The following ERCC4 variants were observed in gnomAD, a reference collection of about 807,000 sequenced individuals.
The protein encoded by ERCC4 is DNA repair endonuclease XPF.
In ERCC4, 65 loss-of-function variants were observed where a neutral mutation model predicts 76.9. The observed-to-expected ratio is 0.84, with a 90% confidence interval of 0.69 to 1.04. The LOEUF (loss-of-function observed/expected upper bound fraction) is 1.04. Ranked by LOEUF, ERCC4 falls within the 50% of genes least tolerant of loss-of-function variation. The pLI is 0.00. For synonymous variants in ERCC4, 463 were observed against 410.1 expected (o/e 1.13, Z -1.56); for missense variants, 1,214 against 1,128.2 (o/e 1.08, Z -1.09).
Position 13,949,796 on chromosome 16 carries a change from T to A in ERCC4, c.*1449T>A, listed in dbSNP as rs1018456184. The A allele has an allele frequency of 4.3e-6, 1 of 232,114 alleles. No individual in the cohort carries two copies. Among genetic ancestry groups the A allele is most frequent in the Non-Finnish European group, 8.5e-6 (1 of 117,376 alleles). 14.4% of individuals were successfully genotyped at this position (232,114 alleles called of 1,614,324 possible). ...TTTTGTTCACATGTTGAGTAATGGG[T>A]AGTAAATTTTCTACCTCAGGAGCTG... On this transcript the variant is annotated 3_prime_UTR_variant, in exon 11 of 11. Transcript: ENST00000311895.
intron 6 of ERCC4, chr16:13,933,866 A>G: frequency 4.4e-6 from 1 of 226,978 alleles, no homozygotes; most frequent in South Asian, 8.3e-5. Context: ...AAATACTGTC[A>G]TTGTGTACCG....
At chr16:13,940,628 C>G (rs990443526) in intron 9 of ERCC4, among the ~76,000 whole-genome samples, 8 of 152,204 alleles carry the variant, frequency 5.3e-5, no homozygotes, top group African/African-American at 1.9e-4. Flanking sequence ...CAGAGTACCT[C>G]CATGGCTGGC....
intron 1 of ERCC4, 100 bp from the exon 2 acceptor site, chr16:13,921,931 A>G: frequency 1.3e-6 from 1 of 759,902 alleles, no homozygotes; most frequent in Non-Finnish European, 2.3e-6. Context: ...TATTAAGTTC[A>G]TTATCTCAGA....
At chr16:13,947,064 A>C (rs753884929) in intron 10 of ERCC4, among the ~76,000 whole-genome samples, 3 of 152,072 alleles carry the variant, frequency 2.0e-5, no homozygotes, top group Non-Finnish European at 2.9e-5. Flanking sequence ...GCCCGGCCCG[A>C]ATCTGCTTTT....
chr16:13,935,595 C>T lies in ERCC4; in HGVS notation c.1663C>T (p.His555Tyr). 2 of 1,614,178 alleles carry T rather than the reference C, an allele frequency of 1.2e-6. No individual in the cohort carries two copies. Among genetic ancestry groups the T allele is most frequent in the East Asian group, 2.2e-5 (1 of 44,888 alleles). The change falls in exon 8 of 11, where the codon CAT becomes TAT. Residue 555 changes from histidine to tyrosine, a missense_variant. His to Tyr is a moderately conservative substitution (Grantham distance 83). Transcript: ENST00000311895. ...CCTGAAAGAACCCCTCACTATCATC[C>T]ATCCGCTTCTGGGTTGCAGCGACCC... ...GILKEPLTII[H>Y]PLLGCSDPYA...
rs1325554434 is a variant in ERCC4 at position 13,948,363 on chromosome 16, T to G, written c.*16T>G. The G allele has an allele frequency of 2.5e-6, 4 of 1,605,612 alleles. No homozygotes were observed. Among genetic ancestry groups the G allele is most frequent in the Non-Finnish European group, 3.4e-6 (4 of 1,179,890 alleles). On this transcript the variant is annotated 3_prime_UTR_variant, in exon 11 of 11. Transcript: ENST00000311895. The stretch of plus-strand genomic sequence containing the variant: ...GAAAAAGTGAACAGTGATGGCTGTT[T>G]TCTTATCCCATGCCTGTACTTTTCA...
chr16:13,950,734 C>T lies in ERCC4; in HGVS notation c.*2387C>T, dbSNP rs1447908880. The T allele has an allele frequency of 5.2e-6, 1 of 193,460 alleles. No homozygotes were observed. Among genetic ancestry groups the T allele is most frequent in the East Asian group, 8.2e-5 (1 of 12,210 alleles). The allele number at this position is 193,460 out of a possible 1,614,324, so 12.0% of individuals were successfully genotyped here. The stretch of plus-strand genomic sequence containing the variant: ...CTATTTTTTTCCTCTTGTATAATTC[C>T]ACTTGCTTTTAATTGTTGTTTCATT... On this transcript the variant is annotated 3_prime_UTR_variant, in exon 11 of 11. Transcript: ENST00000311895.
At chr16:13,937,412 G>T (rs1300279214) in intron 8 of ERCC4, among the ~76,000 whole-genome samples, 2 of 152,156 alleles carry the variant, frequency 1.3e-5, no homozygotes, top group Admixed American at 6.5e-5. Context: ...TTGTTTGGCT[G>T]AGGTACAAAG....
At position 13,935,642 on chromosome 16, in the gene ERCC4, A is replaced by G; in HGVS notation, c.1710A>G (p.Leu570=). The G allele has an allele frequency of 6.2e-7, 1 of 1,614,112 alleles. No homozygotes were observed. The highest frequency in any genetic ancestry group is 1.7e-5 in the Admixed American group (1 of 60,012). Residue 570 remains leucine, a synonymous_variant, in exon 8 of 11, where the codon CTA becomes CTG. Coordinates refer to ENST00000311895, the MANE Select transcript of ERCC4 (RefSeq NM_005236.3). ...ACCCCTATGCTCTGACAAGGGTACT[A>G]CATGAAGTGGAGCCAAGATACGTGG... ...CSDPYALTRV[L]HEVEPRYVVL...
Position 13,949,905 on chromosome 16 carries a change from G to C in ERCC4, c.*1558G>C, listed in dbSNP as rs2032598999. Reference sequence around the variant, plus strand: ...TGTTTTTTTGTTTGCTACACTATTTGAACTAATAGACAGTGGATCATGTAA... The same window carrying C: ...TGTTTTTTTGTTTGCTACACTATTTCAACTAATAGACAGTGGATCATGTAA... On this transcript the variant is annotated 3_prime_UTR_variant, in exon 11 of 11. Coordinates refer to ENST00000311895, the MANE Select transcript of ERCC4 (RefSeq NM_005236.3). 1 of 231,188 alleles carries C rather than the reference G, an allele frequency of 4.3e-6. No individual in the cohort carries two copies. The highest frequency in any genetic ancestry group is 5.6e-5 in the Admixed American group (1 of 17,720). The allele number at this position is 231,188 out of a possible 1,614,324, so 14.3% of individuals were successfully genotyped here.
intron 9 of ERCC4, among the ~76,000 whole-genome samples, chr16:13,941,281 C>A (rs1197013750): frequency 6.6e-6 from 1 of 152,136 alleles, no homozygotes; most frequent in East Asian, 1.9e-4. Context: ...TGATGATTGT[C>A]TACTTGTCAT....
At chr16:13,939,815 T>C (rs1010172229) in intron 9 of ERCC4, among the ~76,000 whole-genome samples, 11 of 151,946 alleles carry the variant, frequency 7.2e-5, no homozygotes, top group Admixed American at 1.3e-4. Context: ...TGAGAGAGAT[T>C]TGGGAGATAG....
Position 13,951,009 on chromosome 16 carries a change from A to G in ERCC4, c.*2662A>G, listed in dbSNP as rs1049326830. ...TGTCTCGTATGTATTTGAATTATGAACAGTAATTTCTAATGAATTCTAAAA... is the reference window on the plus strand; with the variant it reads ...TGTCTCGTATGTATTTGAATTATGAGCAGTAATTTCTAATGAATTCTAAAA... On this transcript the variant is annotated 3_prime_UTR_variant, in exon 11 of 11. Transcript: ENST00000311895. 1 of 190,264 alleles carries G rather than the reference A, an allele frequency of 5.3e-6. No homozygotes were observed. Among genetic ancestry groups the G allele is most frequent in the South Asian group, 1.9e-4 (1 of 5,142 alleles). The allele number at this position is 190,264 out of a possible 1,614,324, so 11.8% of individuals were successfully genotyped here. A position where few individuals can be genotyped will look rare whatever the true frequency, so the allele number is the denominator to read the frequency against.
chr16:13,934,090 CAT>C, intron 6 of ERCC4, 100 bp from the exon 7 acceptor site: 1 of 707,380 alleles, frequency 1.4e-6, no homozygotes, highest in East Asian at 2.6e-5. Flanking sequence ...AATAAATGGG[CAT>C]ATGTACTGAT....
rs944868704 is a variant in ERCC4 at position 13,940,370 on chromosome 16, C to T, written c.1904+2512C>T. The stretch of plus-strand genomic sequence containing the variant: ...GCCACTGCACTCCAGCCTGGGCAAC[C>T]GAGTGACCCCCGTCTCAAAAAAAAA... On this transcript the variant is annotated intron_variant, in intron 9 of 10. Transcript: ENST00000311895. Among the ~76,000 whole-genome samples, 7 of 150,494 alleles carry T rather than the reference C, an allele frequency of 4.7e-5. No homozygotes were observed. The South Asian group carries it at 1.3e-3, about 27-fold the overall frequency.
rs1244349973 is a variant in ERCC4, at chr16:13,947,630, T to G, written c.2034T>G (p.Asn678Lys). ...DTRKAGGQEQ[N>K]GTQQSIVVDM... Reference sequence around the variant, plus strand: ...TCTCTGTAGGTGGCCAGGAACAGAATGGTACACAGCAAAGCATAGTTGTGG... The same window carrying G: ...TCTCTGTAGGTGGCCAGGAACAGAAGGGTACACAGCAAAGCATAGTTGTGG... The change falls in exon 11 of 11, where the codon AAT becomes AAG. Residue 678 changes from asparagine to lysine, a missense_variant. Asn to Lys is a moderately conservative substitution (Grantham distance 94). Transcript: ENST00000311895. The G allele has an allele frequency of 1.9e-6, 3 of 1,614,116 alleles. No homozygotes were observed. The highest frequency in any genetic ancestry group is 2.2e-5 in the South Asian group (2 of 91,086).
rs749814308 is a variant in ERCC4 at position 13,937,785 on chromosome 16, G to A, written c.1831G>A (p.Gly611Arg). The change falls in exon 9 of 11, where the codon GGA becomes AGA. Residue 611 changes from glycine (G) to arginine (R), a missense_variant. Physicochemically the swap from Gly to Arg is moderately radical, Grantham distance 125 (BLOSUM62 -2). Transcript: ENST00000311895. ...ATGCAGGGTTTACTTTCTTATATAC[G>A]GAGGTTCAACTGAGGAACAACGCTA... ...KPLRVYFLIY[G>R]GSTEEQRYLT... is the part of the protein sequence containing the mutation. 6 of 1,612,024 alleles carry A rather than the reference G, an allele frequency of 3.7e-6. No homozygotes were observed. The highest frequency in any genetic ancestry group is 1.6e-4 in the Middle Eastern group (1 of 6,082).
At chr16:13,928,943 C>A (rs192129607) in intron 4 of ERCC4, among the ~76,000 whole-genome samples, 2 of 152,016 alleles carry the variant, frequency 1.3e-5, no homozygotes, top group African/African-American at 2.4e-5. Flanking sequence ...GGCAATAATG[C>A]GTGGCGATTA....
chr16:13,920,418 A>T (rs757664200), intron 1 of ERCC4, 46 bp downstream of exon 1: 3 of 1,504,950 alleles, frequency 2.0e-6, no homozygotes, highest in South Asian at 2.4e-5. Context: ...GAGAGTGTTG[A>T]GGGCCTCCTG....
Sources: allele counts gnomAD v4.1 joint callset (sites outside exome capture counted in the v4.1 genomes callset), GRCh38; gene constraint gnomAD v4.1.1; transcripts MANE v1.5; gene names NCBI Gene and HGNC (gene_info 2026-07-23, HGNC 2026-07-21).